Variants in FNBP1L observed in about 807,000 individuals in gnomAD.
FNBP1L encodes formin binding protein 1 like, also known as formin-binding protein 1-like.
In FNBP1L, 36 loss-of-function variants were observed where a neutral mutation model predicts 91.2. That is an observed-to-expected ratio of 0.39 (90% confidence interval 0.30 to 0.52). The LOEUF is 0.52. Among genes scored for constraint, FNBP1L ranks in the 20% least tolerant of loss-of-function variants. The pLI, the probability that FNBP1L is intolerant of heterozygous loss-of-function variation, is 0.66. For missense variants in FNBP1L, 571 were observed against 732.1 expected (o/e 0.78, Z 2.54); for synonymous variants, 242 against 237.0 (o/e 1.02, Z -0.19).
intron 2 of FNBP1L, among the ~76,000 whole-genome samples, chr1:93,520,718 G>T (rs1351157485): frequency 6.6e-6 from 1 of 152,080 alleles, no homozygotes; most frequent in Non-Finnish European, 1.5e-5. Flanking sequence ...GGACAGAGAA[G>T]TTAGGCAAAT....
At position 93,482,933 on chromosome 1, in the gene FNBP1L, G is replaced by A. The variant is rs150982314; in HGVS notation, c.25-16535G>A. Among the ~76,000 whole-genome samples the A allele has an allele frequency of 9.6e-3, 1,458 of 151,696 alleles. 21 individuals carry two copies. Among genetic ancestry groups the A allele is most frequent in the African/African-American group, 0.033 (1,374 of 41,330 alleles). On this transcript the variant is annotated intron_variant, in intron 1 of 16. Coordinates refer to ENST00000271234, the MANE Select transcript of FNBP1L (RefSeq NM_001164473.3). ...CTCAGGAGGCTGAGGCAGGAGAATG[G>A]CTTGAACCCAGGAGGCGGAGCTTGC...
intron 5 of FNBP1L, among the ~76,000 whole-genome samples, chr1:93,528,536 T>G (rs1671567949): frequency 6.6e-6 from 1 of 152,156 alleles, no homozygotes. Context: ...CCTGCAGACC[T>G]TTTAGGAGGC....
At chr1:93,530,398 A>AT (rs1671634260) in intron 6 of FNBP1L, among the ~76,000 whole-genome samples, 1 of 152,060 alleles carries the variant, frequency 6.6e-6, no homozygotes, top group Non-Finnish European at 1.5e-5. Context: ...TTCTCTTCTG[A>AT]TTAAAAGCAC....
chr1:93,523,376 T>C lies in FNBP1L; in HGVS notation c.227T>C (p.Leu76Pro), dbSNP rs1324908412. The part of the protein sequence containing the change: ...FTSCVAFFNI[L>P]NELNDYAGQR... ...TCGTGTGTAGCCTTTTTTAATATCCTTAATGAGTTAAATGACTATGCAGGA... is the reference window on the plus strand; with the variant it reads ...TCGTGTGTAGCCTTTTTTAATATCCCTAATGAGTTAAATGACTATGCAGGA... Residue 76 changes from leucine (L) to proline (P), a missense_variant, in exon 4 of 17, where the codon CTT (leucine) becomes CCT (proline). Leu to Pro is a moderately conservative substitution (Grantham distance 98). Around this residue, in one of 5 missense-constraint regions of FNBP1L, gnomAD observed 220 missense variants for 313.6 expected, o/e 0.70. Transcript: ENST00000271234. The C allele has an allele frequency of 1.9e-6, 3 of 1,608,358 alleles. No individual in the cohort carries two copies. The highest frequency in any genetic ancestry group is 2.5e-6 in the Non-Finnish European group (3 of 1,177,086).
rs1258473284 is a variant in FNBP1L at position 93,552,560 on chromosome 1, A to G, written c.*144A>G. 24 of 696,534 alleles carry G rather than the reference A, an allele frequency of 3.4e-5. No individual in the cohort carries two copies. Among genetic ancestry groups the G allele is most frequent in the Non-Finnish European group, 5.2e-5 (23 of 441,792 alleles). 43.1% of individuals were successfully genotyped at this position (696,534 alleles called of 1,614,324 possible). A position where few individuals can be genotyped will look rare whatever the true frequency, so the allele number is the denominator to read the frequency against. On this transcript the variant is annotated 3_prime_UTR_variant, in exon 17 of 17. Transcript: ENST00000271234. ...ATGCAGACATGATTTTTTTTTTACT[A>G]ACTTCATTAGCATTTCCATACATTG...
chr1:93,457,621 G>A (rs1022373480), intron 1 of FNBP1L, among the ~76,000 whole-genome samples: 2 of 151,572 alleles, frequency 1.3e-5, no homozygotes, highest in South Asian at 4.2e-4. Flanking sequence ...TTTACTTCAC[G>A]TTTCTTGGCT....
At chr1:93,531,694 C>G (rs1038160768) in intron 7 of FNBP1L, among the ~76,000 whole-genome samples, 1 of 152,178 alleles carries the variant, frequency 6.6e-6, no homozygotes, top group Admixed American at 6.5e-5. Flanking sequence ...CACTGTGATG[C>G]TTTTCTAGGC....
chr1:93,451,432 T>C (rs1175156466), intron 1 of FNBP1L, among the ~76,000 whole-genome samples: 1 of 152,158 alleles, frequency 6.6e-6, no homozygotes, highest in African/African-American at 2.4e-5. Context: ...GAAAAAAATA[T>C]ATGGCTGAGC....
chr1:93,509,958 C>A (rs1557799822), intron 2 of FNBP1L, among the ~76,000 whole-genome samples: 1 of 152,196 alleles, frequency 6.6e-6, no homozygotes, highest in Non-Finnish European at 1.5e-5. Context: ...CTCGGAGGGT[C>A]CTACGCCCAC....
intron 9 of FNBP1L, among the ~76,000 whole-genome samples, chr1:93,535,952 C>T (rs1671833604): frequency 6.6e-6 from 1 of 151,948 alleles, no homozygotes; most frequent in African/African-American, 2.4e-5. Context: ...GCGACATTAC[C>T]TGTTTAGATA....
chr1:93,510,051 G>T, intron 2 of FNBP1L, among the ~76,000 whole-genome samples: 1 of 152,204 alleles, frequency 6.6e-6, no homozygotes, highest in East Asian at 1.9e-4. Flanking sequence ...GCCCGCCATT[G>T]CCCAGGCTTG....
At chr1:93,504,304 T>C (rs965665073) in intron 2 of FNBP1L, among the ~76,000 whole-genome samples, 1 of 152,202 alleles carries the variant, frequency 6.6e-6, no homozygotes, top group Non-Finnish European at 1.5e-5. Context: ...TGGTGTTGTG[T>C]ACATCATTGT....
chr1:93,514,286 G>A (rs1670983089), intron 2 of FNBP1L, among the ~76,000 whole-genome samples: 1 of 151,930 alleles, frequency 6.6e-6, no homozygotes, highest in South Asian at 2.1e-4. Context: ...ACAAATGGAA[G>A]AACATTCCAT....
intron 1 of FNBP1L, among the ~76,000 whole-genome samples, chr1:93,452,753 AGAG>A (rs1668538191): frequency 6.6e-6 from 1 of 152,198 alleles, no homozygotes; most frequent in African/African-American, 2.4e-5. Context: ...GTGCTTGTCT[AGAG>A]GAGGTTGACA....
chr1:93,551,056 C>G lies in FNBP1L; in HGVS notation c.1761C>G (p.Gly587=). The G allele has an allele frequency of 6.2e-7, 1 of 1,612,758 alleles. No homozygotes were observed. The highest frequency in any genetic ancestry group is 8.5e-7 in the Non-Finnish European group (1 of 1,179,214). ...CTCGGAGACAGAACGGTGAAGAAGG[C>G]TACGTTCCCACGTCATACATAGATG... is the stretch of plus-strand genomic sequence containing the variant. ...TRARRQNGEE[G]YVPTSYIDVT... The change falls in exon 16 of 17, where the codon GGC becomes GGG. Residue 587 remains glycine (G), a synonymous_variant. Coordinates refer to ENST00000271234, the MANE Select transcript of FNBP1L (RefSeq NM_001164473.3).
intron 2 of FNBP1L, among the ~76,000 whole-genome samples, chr1:93,505,734 G>A (rs1292509073): frequency 6.6e-6 from 1 of 152,178 alleles, no homozygotes; most frequent in Non-Finnish European, 1.5e-5. Context: ...TAATTAGATG[G>A]GGAGGAAAGT....
chr1:93,455,348 AT>A (rs1668624645), intron 1 of FNBP1L, among the ~76,000 whole-genome samples: 1 of 152,228 alleles, frequency 6.6e-6, no homozygotes, highest in Non-Finnish European at 1.5e-5. Context: ...ATGTGCCACC[AT>A]ACCTAGCTAA....
intron 12 of FNBP1L, 135 bp from the exon 13 acceptor site, chr1:93,546,707 A>G (rs1276076066): frequency 4.7e-6 from 4 of 854,258 alleles, no homozygotes; most frequent in Admixed American, 5.8e-5. Context: ...TAATCAGGTC[A>G]TGTTAGACAA....
intron 2 of FNBP1L, among the ~76,000 whole-genome samples, chr1:93,515,841 C>T (rs1671082698): frequency 6.6e-6 from 1 of 151,884 alleles, no homozygotes; most frequent in Non-Finnish European, 1.5e-5. Context: ...GTGCAGCCCA[C>T]CAGCATGGCA....
Sources: allele counts gnomAD v4.1 joint callset (sites outside exome capture counted in the v4.1 genomes callset), GRCh38; gene constraint gnomAD v4.1.1; regional missense constraint gnomAD v4.1.1; transcripts MANE v1.5; gene names NCBI Gene and HGNC (gene_info 2026-07-23, HGNC 2026-07-21).